ADGRE1: variants seen among roughly 807,000 people sequenced by gnomAD.
ADGRE1 encodes adhesion G protein-coupled receptor E1.
A neutral mutation model predicts 102.7 loss-of-function variants in ADGRE1; 82 were observed. The ratio of observed to expected loss-of-function variants is 0.80; its 90% CI spans 0.67 to 0.96. The LOEUF is 0.96. ADGRE1 is among the 40% of genes least tolerant of loss of function. The pLI is 0.00. For synonymous variants in ADGRE1, 398 were observed against 399.6 expected (o/e 1.00, Z 0.05); for missense variants, 1,032 against 1,085.3 (o/e 0.95, Z 0.69).
chr19:6,893,410 A>G (rs1240909278), intron 2 of ADGRE1, among the ~76,000 whole-genome samples: 1 of 152,074 alleles, frequency 6.6e-6, no homozygotes, highest in East Asian at 1.9e-4. Context: ...CATGTTGGTC[A>G]GGCTGGTCTC....
At chr19:6,929,161 A>G (rs1298421088) in intron 17 of ADGRE1, among the ~76,000 whole-genome samples, 3 of 152,092 alleles carry the variant, frequency 2.0e-5, no homozygotes, top group African/African-American at 7.2e-5. Flanking sequence ...GCCTCATGCT[A>G]AGGAAATCAA....
intron 14 of ADGRE1, 115 bp from the exon 15 acceptor site, chr19:6,924,563 G>A: frequency 2.4e-6 from 2 of 823,712 alleles, no homozygotes; most frequent in South Asian, 1.7e-5. Context: ...GTGTTAGAGG[G>A]AGAAAATTCC....
chr19:6,900,288 A>C (rs2144903041), intron 5 of ADGRE1, among the ~76,000 whole-genome samples: 1 of 148,756 alleles, frequency 6.7e-6, no homozygotes, highest in African/African-American at 2.5e-5. Flanking sequence ...CAGCCTGGGC[A>C]ACATAGTGAG....
At chr19:6,918,268 C>T (rs1031282439) in intron 12 of ADGRE1, among the ~76,000 whole-genome samples, 2 of 151,898 alleles carry the variant, frequency 1.3e-5, no homozygotes, top group African/African-American at 2.4e-5. Context: ...GGTGAAACCC[C>T]GTCTCCACTA....
chr19:6,890,086 A>AT (rs951254665), intron 1 of ADGRE1, among the ~76,000 whole-genome samples: 8 of 150,434 alleles, frequency 5.3e-5, no homozygotes, highest in Non-Finnish European at 8.9e-5. Context: ...AATTTAAAAA[A>AT]TTTTTTTTTT....
intron 5 of ADGRE1, chr19:6,898,429 AT>A (rs1464345959): frequency 6.2e-7 from 1 of 1,600,728 alleles, no homozygotes; most frequent in Non-Finnish European, 8.6e-7. Flanking sequence ...AAATGACTGG[AT>A]CCCAGGAAAG....
chr19:6,906,301 T>G (rs1054098601), intron 8 of ADGRE1, 132 bp from the exon 9 acceptor site: 1 of 698,090 alleles, frequency 1.4e-6, no homozygotes, highest in Non-Finnish European at 2.5e-6. Flanking sequence ...GGTTTGTTCA[T>G]TTTCCCCCTT....
chr19:6,928,030 T>C, intron 16 of ADGRE1, 115 bp from the exon 17 acceptor site: 1 of 1,296,314 alleles, frequency 7.7e-7, no homozygotes, highest in Non-Finnish European at 1.1e-6. Flanking sequence ...ATCCTGAGCA[T>C]CATCTGAGTC....
intron 5 of ADGRE1, chr19:6,898,598 C>T: frequency 6.8e-7 from 1 of 1,460,190 alleles, no homozygotes. Context: ...ATCAGTGAGT[C>T]CCTCACCAGC....
chr19:6,920,231 C>CTTTTCTT (rs536488711), intron 13 of ADGRE1, among the ~76,000 whole-genome samples: 22 of 79,802 alleles, frequency 2.8e-4, no homozygotes, highest in Non-Finnish European at 3.5e-4. Flanking sequence ...GTGGTTGCTT[C>CTTTTCTT]TTTTTTTTTT....
intron 2 of ADGRE1, chr19:6,895,999 C>A (rs923656559): frequency 1.3e-5 from 2 of 157,872 alleles, no homozygotes; most frequent in African/African-American, 2.4e-5. Flanking sequence ...GGCTATAGGG[C>A]AGAATCTGTT....
At chr19:6,919,988 T>G (rs1599749207) in intron 13 of ADGRE1, among the ~76,000 whole-genome samples, 1 of 152,010 alleles carries the variant, frequency 6.6e-6, no homozygotes, top group South Asian at 2.1e-4. Flanking sequence ...AAGCACCGGG[T>G]TTTTGTAGAG....
In ADGRE1 at chr19:6,940,369, T is replaced by C. The variant is rs377752911; in HGVS notation, c.*340T>C. ...CCTTGTTGGTGCATGGTTCTAAGCA[T>C]GCCCCTCCAGAGCCTATCATACGCC... On this transcript the variant is annotated 3_prime_UTR_variant, in exon 21 of 21. Transcript: ENST00000312053. 50 of 359,254 alleles carry C rather than the reference T, an allele frequency of 1.4e-4. 2 individuals are homozygous for C. The highest frequency in any genetic ancestry group is 1.0e-3 in the South Asian group (27 of 26,640). 22.3% of individuals were successfully genotyped at this position (359,254 alleles called of 1,614,324 possible). A position where few individuals can be genotyped will look rare whatever the true frequency, so the allele number is the denominator to read the frequency against.
chr19:6,908,664 C>CTTTTTTTTTT, intron 9 of ADGRE1, 25 bp from the exon 10 acceptor site: 1 of 1,350,598 alleles, frequency 7.4e-7, no homozygotes, highest in Non-Finnish European at 1.0e-6. Flanking sequence ...CACAAATGCT[C>CTTTTTTTTTT]TTTTTTTTTT....
chr19:6,888,053 C>T (rs1973212846), intron 1 of ADGRE1, among the ~76,000 whole-genome samples: 1 of 152,132 alleles, frequency 6.6e-6, no homozygotes, highest in South Asian at 2.1e-4. Flanking sequence ...CACAACATTT[C>T]TATGACATTG....
chr19:6,889,015 GTGA>G (rs772334544), intron 1 of ADGRE1, among the ~76,000 whole-genome samples: 64 of 151,694 alleles, frequency 4.2e-4, no homozygotes, highest in African/African-American at 1.0e-3. Flanking sequence ...GATGGTGATG[GTGA>G]TGATGATGAT....
chr19:6,905,621 G>A (rs2144920550), intron 8 of ADGRE1, among the ~76,000 whole-genome samples: 1 of 152,108 alleles, frequency 6.6e-6, no homozygotes, highest in African/African-American at 2.4e-5. Context: ...AAAGTGCTGG[G>A]ATTACAGGTG....
intron 2 of ADGRE1, 40 bp downstream of exon 2, chr19:6,890,583 G>A (rs1973332661): frequency 6.3e-7 from 1 of 1,596,538 alleles, no homozygotes; most frequent in Non-Finnish European, 8.5e-7. Flanking sequence ...TGAAGGGGTA[G>A]AGAAAGTTTT....
chr19:6,930,959 C>A (rs1975117331), intron 17 of ADGRE1, among the ~76,000 whole-genome samples: 1 of 151,992 alleles, frequency 6.6e-6, no homozygotes, highest in Non-Finnish European at 1.5e-5. Context: ...ATTTTTAAAT[C>A]TACAATGCAA....
Sources: allele counts gnomAD v4.1 joint callset (sites outside exome capture counted in the v4.1 genomes callset), GRCh38; gene constraint gnomAD v4.1.1; transcripts MANE v1.5; gene names NCBI Gene and HGNC (gene_info 2026-07-23, HGNC 2026-07-21).